ACAD10: variants seen among roughly 807,000 people sequenced by gnomAD.
The protein encoded by ACAD10 is ACAD-10.
A neutral mutation model predicts 116.8 loss-of-function variants in ACAD10; 112 were observed. The observed-to-expected ratio is 0.96, with a 90% CI of 0.82 to 1.12. The LOEUF is 1.12. ACAD10 is among the 50% of genes most tolerant of loss of function. ACAD10 has a pLI of 0.00. For missense variants in ACAD10, 1,259 were observed against 1,350.2 expected (o/e 0.93, Z 1.06); for synonymous variants, 486 against 510.6 (o/e 0.95, Z 0.65).
chr12:111,716,199 T>C (rs1183833286), intron 7 of ACAD10, among the ~76,000 whole-genome samples: 1 of 151,978 alleles, frequency 6.6e-6, no homozygotes, highest in African/African-American at 2.4e-5. Context: ...ACCCTGTTTC[T>C]ACCCCCCATC....
chr12:111,716,035 A>G, intron 7 of ACAD10, 73 bp downstream of exon 7: 1 of 1,576,536 alleles, frequency 6.3e-7, no homozygotes, highest in South Asian at 1.1e-5. Flanking sequence ...TAAACTGAAA[A>G]GTCAGCACTC....
intron 11 of ACAD10, among the ~76,000 whole-genome samples, chr12:111,735,543 C>T (rs1889524084): frequency 6.6e-6 from 1 of 151,672 alleles, no homozygotes; most frequent in Non-Finnish European, 1.5e-5. Flanking sequence ...GCAAGCTCCA[C>T]CTCCCAGGTT....
intron 2 of ACAD10, among the ~76,000 whole-genome samples, chr12:111,701,231 G>A (rs780365891): frequency 1.3e-5 from 2 of 152,052 alleles, no homozygotes; most frequent in African/African-American, 2.4e-5. Context: ...GTATATATTT[G>A]CCCCCAGCAT....
chr12:111,748,909 A>C, intron 17 of ACAD10: 6 of 1,149,262 alleles, frequency 5.2e-6, no homozygotes, highest in Non-Finnish European at 7.6e-6. Flanking sequence ...ACAAACCACT[A>C]GGAGCTTCAG....
chr12:111,728,503 T>C (rs974179212), intron 9 of ACAD10, among the ~76,000 whole-genome samples: 4 of 152,112 alleles, frequency 2.6e-5, no homozygotes, highest in African/African-American at 7.2e-5. Flanking sequence ...TTTTTCTCCG[T>C]TTTTTACCCT....
Position 111,755,764 on chromosome 12 carries a change from G to A in ACAD10, c.3039+19G>A. On this transcript the variant is annotated intron_variant, in intron 20 of 20. Coordinates refer to ENST00000313698, the MANE Select transcript of ACAD10 (RefSeq NM_025247.6). ...GATTCAGGTGAGCACAGACCAGACA[G>A]TTGGCTTATTTGAACCATCAATACT... The A allele has an allele frequency of 6.2e-7, 1 of 1,612,196 alleles. No individual in the cohort carries two copies.
In ACAD10 at chr12:111,756,566, T is replaced by C; in HGVS notation, c.*93T>C. 3 of 1,540,970 alleles carry C rather than the reference T, an allele frequency of 1.9e-6. No individual in the cohort carries two copies. Among genetic ancestry groups the C allele is most frequent in the Non-Finnish European group, 2.6e-6 (3 of 1,142,872 alleles). Reference sequence around the variant, plus strand: ...CCTCGAAAGATCCGGTGTTTGTGGCTCCTGCACCCTGCTCAGCAGCTCTGT... The same window carrying C: ...CCTCGAAAGATCCGGTGTTTGTGGCCCCTGCACCCTGCTCAGCAGCTCTGT... On this transcript the variant is annotated 3_prime_UTR_variant, in exon 21 of 21. Coordinates refer to ENST00000313698, the MANE Select transcript of ACAD10 (RefSeq NM_025247.6).
intron 6 of ACAD10, among the ~76,000 whole-genome samples, chr12:111,713,811 C>T (rs963948010): frequency 6.6e-6 from 1 of 151,016 alleles, no homozygotes; most frequent in Non-Finnish European, 1.5e-5. Flanking sequence ...TTGGCGGGCG[C>T]CTGTAATCCC....
chr12:111,723,511 A>G, intron 8 of ACAD10, among the ~76,000 whole-genome samples: 1 of 121,250 alleles, frequency 8.2e-6, no homozygotes, highest in Non-Finnish European at 1.8e-5. Context: ...CTGGCCGGGC[A>G]GAGGGGCTCC....
At chr12:111,733,048 G>A (rs1889439697) in intron 10 of ACAD10, among the ~76,000 whole-genome samples, 1 of 152,124 alleles carries the variant, frequency 6.6e-6, no homozygotes, top group South Asian at 2.1e-4. Context: ...GTCTCTTTGT[G>A]GTTCCCACAT....
Position 111,692,798 on chromosome 12 carries a change from G to T in ACAD10, c.89G>T (p.Gly30Val). 1 of 1,614,198 alleles carries T rather than the reference G, an allele frequency of 6.2e-7. No homozygotes were observed. The highest frequency in any genetic ancestry group is 8.5e-7 in the Non-Finnish European group (1 of 1,180,048). ...FLKHTQRRHQGSHRWTHLGGS... is the reference protein window; with the variant it reads ...FLKHTQRRHQVSHRWTHLGGS... ...AAACACACCCAGCGCAGGCACCAGG[G>T]GTCCCACCGATGGACACACCTTGGA... Residue 30 changes from glycine to valine, a missense_variant, in exon 2 of 21, where the codon GGG becomes GTG. Transcript: ENST00000313698.
At chr12:111,697,671 G>A (rs76037738) in intron 2 of ACAD10, among the ~76,000 whole-genome samples, 2,039 of 145,004 alleles carry the variant, frequency 0.014, 52 homozygotes, top group African/African-American at 0.049. Context: ...TGCAAACTTC[G>A]CCTCCCGGGT....
At chr12:111,687,699 C>G (rs924341569) in intron 1 of ACAD10, among the ~76,000 whole-genome samples, 1 of 152,144 alleles carries the variant, frequency 6.6e-6, no homozygotes, top group Non-Finnish European at 1.5e-5. Context: ...ATGGTCACAA[C>G]AACTTTATGA....
chr12:111,693,894 G>T (rs632650), intron 2 of ACAD10, among the ~76,000 whole-genome samples: 25,430 of 152,124 alleles, frequency 0.17, 2,235 homozygotes, highest in East Asian at 0.28. Flanking sequence ...GGCACTGTGT[G>T]ATGCGACTCT....
intron 1 of ACAD10, among the ~76,000 whole-genome samples, chr12:111,687,574 A>G (rs1037541592): frequency 6.6e-6 from 1 of 152,236 alleles, no homozygotes; most frequent in South Asian, 2.1e-4. Context: ...CACATACTGT[A>G]TGCATAAAAC....
intron 8 of ACAD10, among the ~76,000 whole-genome samples, chr12:111,723,167 G>T (rs1229149189): frequency 1.4e-5 from 2 of 143,640 alleles, no homozygotes; most frequent in Non-Finnish European, 3.1e-5. Flanking sequence ...CTCCCTCCCG[G>T]ACGGGGCGGC....
chr12:111,725,161 T>C (rs1030841233), intron 8 of ACAD10, among the ~76,000 whole-genome samples: 2 of 152,140 alleles, frequency 1.3e-5, no homozygotes, highest in Admixed American at 1.3e-4. Context: ...AGATAATGAT[T>C]TTTTTTGGCT....
intron 11 of ACAD10, among the ~76,000 whole-genome samples, chr12:111,735,534 C>T (rs1889523691): frequency 6.6e-6 from 1 of 151,610 alleles, no homozygotes. Context: ...CAGCTCACTG[C>T]AAGCTCCACC....
intron 18 of ACAD10, chr12:111,749,834 G>A (rs1184506546): frequency 6.6e-6 from 1 of 151,240 alleles, no homozygotes; most frequent in Non-Finnish European, 1.5e-5. Flanking sequence ...GAGTTCAGTG[G>A]TGTGATCTCG....
Sources: allele counts gnomAD v4.1 joint callset (sites outside exome capture counted in the v4.1 genomes callset), GRCh38; gene constraint gnomAD v4.1.1; transcripts MANE v1.5; gene names NCBI Gene and HGNC (gene_info 2026-07-23, HGNC 2026-07-21).